Variants in RABGAP1L observed in about 807,000 individuals in gnomAD.
RABGAP1L encodes rab GTPase-activating protein 1-like.
A neutral mutation model predicts 137.7 loss-of-function variants in RABGAP1L; 63 were observed. The observed-to-expected ratio is 0.46, with a 90% CI of 0.37 to 0.56. RABGAP1L has a LOEUF of 0.56. Among genes scored for constraint, RABGAP1L ranks in the 20% least tolerant of loss-of-function variants. The probability of loss-of-function intolerance (pLI) is 0.00; values close to 1 mark genes in which losing one functional copy is unlikely to be tolerated. For missense variants in RABGAP1L, 1,095 were observed against 1,244.0 expected (o/e 0.88, Z 1.80); for synonymous variants, 431 against 433.7 (o/e 0.99, Z 0.08).
chr1:174,587,935 C>G (rs1456898443), intron 13 of RABGAP1L, among the ~76,000 whole-genome samples: 1 of 152,188 alleles, frequency 6.6e-6, no homozygotes, highest in Non-Finnish European at 1.5e-5. Flanking sequence ...ACAATCTCGA[C>G]TCACTGCAAC....
At chr1:174,650,629 T>C (rs987355996) in intron 14 of RABGAP1L, among the ~76,000 whole-genome samples, 28 of 152,114 alleles carry the variant, frequency 1.8e-4, no homozygotes, top group East Asian at 3.9e-4. Context: ...TGTAGAGGTA[T>C]TTGTAGTATT....
intron 13 of RABGAP1L, among the ~76,000 whole-genome samples, chr1:174,534,016 T>C (rs145578639): frequency 5.5e-4 from 84 of 152,212 alleles, no homozygotes; most frequent in African/African-American, 1.9e-3. Context: ...CACCAAGGCT[T>C]CTGGCTAGCA....
intron 19 of RABGAP1L, among the ~76,000 whole-genome samples, chr1:174,927,089 G>A (rs72717661): frequency 2.0e-5 from 3 of 151,328 alleles, no homozygotes; most frequent in Non-Finnish European, 4.4e-5. Context: ...AAAAAAAAGT[G>A]GGGGGGCCAT....
At chr1:174,624,566 A>G (rs1485716955) in intron 13 of RABGAP1L, among the ~76,000 whole-genome samples, 1 of 152,186 alleles carries the variant, frequency 6.6e-6, no homozygotes, top group Non-Finnish European at 1.5e-5. Context: ...CAAATATATG[A>G]ATTAAATCAT....
chr1:174,958,163 A>G, intron 20 of RABGAP1L: 1 of 1,453,764 alleles, frequency 6.9e-7, no homozygotes, highest in Non-Finnish European at 9.1e-7. Context: ...GGAAAAATAA[A>G]AATCACAAAG....
At chr1:174,454,670 C>T (rs573444947) in intron 13 of RABGAP1L, among the ~76,000 whole-genome samples, 1 of 151,640 alleles carries the variant, frequency 6.6e-6, no homozygotes, top group Admixed American at 6.6e-5. Flanking sequence ...CTGTCTCAGC[C>T]TCCCGAGTAG....
chr1:174,801,908 A>G (rs896203702), intron 18 of RABGAP1L, among the ~76,000 whole-genome samples: 4 of 152,170 alleles, frequency 2.6e-5, no homozygotes, highest in African/African-American at 9.7e-5. Flanking sequence ...GGTCTAATAT[A>G]TTTCTGCATC....
rs546017988 is a variant in RABGAP1L at position 174,281,507 on chromosome 1, C to T, written c.1323+2728C>T. Among the ~76,000 whole-genome samples, 8 of 152,320 alleles carry T rather than the reference C, an allele frequency of 5.3e-5. No individual in the cohort carries two copies. The South Asian group carries it at 1.5e-3, about 28-fold the overall frequency. On this transcript the variant is annotated intron_variant, in intron 10 of 25. Transcript: ENST00000681986. ...CCTTTAGCTGGACAGAAAAGTTCTC[C>T]AAGTCCCACCCGACCCAGAAGCCCA... is the stretch of plus-strand genomic sequence containing the variant.
chr1:174,695,588 CT>C (rs1291323606), intron 15 of RABGAP1L, among the ~76,000 whole-genome samples: 1 of 152,184 alleles, frequency 6.6e-6, no homozygotes. Flanking sequence ...ATATCTCTCA[CT>C]CCAGGATTGG....
intron 14 of RABGAP1L, among the ~76,000 whole-genome samples, chr1:174,665,080 G>A (rs1676682969): frequency 6.6e-6 from 1 of 152,092 alleles, no homozygotes; most frequent in East Asian, 1.9e-4. Context: ...TTTTCTGATT[G>A]GTTTATGAAT....
chr1:174,739,029 C>T (rs190721866), intron 17 of RABGAP1L, among the ~76,000 whole-genome samples: 2 of 152,294 alleles, frequency 1.3e-5, no homozygotes, highest in East Asian at 3.9e-4. Context: ...GACATCTCCT[C>T]CTCACTATGG....
chr1:174,417,050 G>C (rs1650676503), intron 13 of RABGAP1L, among the ~76,000 whole-genome samples: 1 of 152,078 alleles, frequency 6.6e-6, no homozygotes, highest in South Asian at 2.1e-4. Flanking sequence ...CAAGTAGTTG[G>C]ATGAATTAGG....
chr1:174,205,998 C>T (rs1186801750), intron 1 of RABGAP1L, among the ~76,000 whole-genome samples: 2 of 152,152 alleles, frequency 1.3e-5, no homozygotes, highest in Admixed American at 6.5e-5. Context: ...TGGTTAAGAC[C>T]CTTTTTCTTG....
intron 19 of RABGAP1L, among the ~76,000 whole-genome samples, chr1:174,869,346 A>G (rs187717719): frequency 6.6e-6 from 1 of 152,088 alleles, no homozygotes; most frequent in South Asian, 2.1e-4. Context: ...AGCATCCACC[A>G]TGCTGTTCTT....
At chr1:174,908,294 A>G (rs191795836) in intron 19 of RABGAP1L, among the ~76,000 whole-genome samples, 18 of 152,330 alleles carry the variant, frequency 1.2e-4, no homozygotes, top group Middle Eastern at 3.4e-3. Context: ...CACTAAATCT[A>G]ATAGACCTAC....
chr1:174,910,869 A>G lies in RABGAP1L; in HGVS notation c.2341-46588A>G, dbSNP rs544686006. Among the ~76,000 whole-genome samples the G allele has an allele frequency of 7.7e-4, 117 of 152,318 alleles. No homozygotes were observed. The South Asian group carries it at 8.9e-3, about 12-fold the overall frequency. Reference sequence around the variant, plus strand: ...TAATTCTATATTTAACTATTAAGGAACCACCATACTGTTTTCACAGCAGCT... The same window carrying G: ...TAATTCTATATTTAACTATTAAGGAGCCACCATACTGTTTTCACAGCAGCT... On this transcript the variant is annotated intron_variant, in intron 19 of 25. Coordinates refer to ENST00000681986, the MANE Select transcript of RABGAP1L (RefSeq NM_001366446.1).
rs149986259 is a variant in RABGAP1L, at chr1:174,605,651, A to G, written c.1711-31724A>G. Among the ~76,000 whole-genome samples, 193 of 152,200 alleles carry G rather than the reference A, an allele frequency of 1.3e-3. 1 individual carries two copies. Among genetic ancestry groups the G allele is most frequent in the Non-Finnish European group, 2.2e-3 (153 of 68,012 alleles). ...TTGGCACCCATCACATGGAATATTTACTCAACTTTAATTTTTAGTCAGATC... is the reference window on the plus strand; with the variant it reads ...TTGGCACCCATCACATGGAATATTTGCTCAACTTTAATTTTTAGTCAGATC... On this transcript the variant is annotated intron_variant, in intron 13 of 25. Coordinates refer to ENST00000681986, the MANE Select transcript of RABGAP1L (RefSeq NM_001366446.1).
intron 13 of RABGAP1L, among the ~76,000 whole-genome samples, chr1:174,606,048 C>T (rs1180992079): frequency 6.6e-6 from 1 of 152,112 alleles, no homozygotes; most frequent in Non-Finnish European, 1.5e-5. Flanking sequence ...CTTAGTGCCT[C>T]AGACTAGATC....
chr1:174,441,700 C>T (rs1316929035), intron 13 of RABGAP1L, among the ~76,000 whole-genome samples: 4 of 152,114 alleles, frequency 2.6e-5, no homozygotes, highest in African/African-American at 9.7e-5. Flanking sequence ...TGCTATTGCA[C>T]TCCTGCCTGG....
Sources: allele counts gnomAD v4.1 joint callset (sites outside exome capture counted in the v4.1 genomes callset), GRCh38; gene constraint gnomAD v4.1.1; transcripts MANE v1.5; gene names NCBI Gene and HGNC (gene_info 2026-07-23, HGNC 2026-07-21).